CUX2: variants seen among roughly 807,000 people sequenced by gnomAD.
CUX2 encodes homeobox protein cut-like 2.
CUX2 carries 40 observed loss-of-function variants against 144.8 expected under a neutral mutation model. The observed-to-expected ratio is 0.28, with a 90% confidence interval of 0.21 to 0.36. The LOEUF is 0.36. Among genes scored for constraint, CUX2 ranks in the 10% least tolerant of loss-of-function variants. The pLI, the probability that CUX2 is intolerant of heterozygous loss-of-function variation, is 1.00. For synonymous variants in CUX2, 827 were observed against 875.6 expected (o/e 0.94, Z 0.98); for missense variants, 1,615 against 1,994.0 (o/e 0.81, Z 3.62).
chr12:111,060,400 C>T (rs140804775), intron 1 of CUX2, among the ~76,000 whole-genome samples: 4 of 152,352 alleles, frequency 2.6e-5, no homozygotes, highest in African/African-American at 4.8e-5. Context: ...TCTCATCTTT[C>T]GTGTCTGATC....
chr12:111,266,645 G>A (rs1173685472), intron 4 of CUX2, among the ~76,000 whole-genome samples: 1 of 152,158 alleles, frequency 6.6e-6, no homozygotes, highest in African/African-American at 2.4e-5. Context: ...GTCTTCAGAA[G>A]GAGTACAGCC....
At chr12:111,265,648 T>C (rs1884348342) in intron 4 of CUX2, among the ~76,000 whole-genome samples, 1 of 152,040 alleles carries the variant, frequency 6.6e-6, no homozygotes, top group South Asian at 2.1e-4. Context: ...CGGCCAAAAC[T>C]TTCCCTTGTT....
chr12:111,334,102 G>T (rs540217389), intron 18 of CUX2, among the ~76,000 whole-genome samples: 1 of 150,274 alleles, frequency 6.7e-6, no homozygotes, highest in Non-Finnish European at 1.5e-5. Flanking sequence ...CAGGAGAATC[G>T]CTTGAACCCG....
chr12:111,298,609 A>T lies in CUX2; in HGVS notation c.753+20A>T. The T allele has an allele frequency of 6.4e-7, 1 of 1,557,718 alleles. No homozygotes were observed. The highest frequency in any genetic ancestry group is 1.2e-5 in the South Asian group (1 of 84,550). Reference sequence around the variant, plus strand: ...AATCAGGTGAGGAGGCGCAGTTCCCACCCGTGGGTGCCAGAGGCTCCCTCT... The same window carrying T: ...AATCAGGTGAGGAGGCGCAGTTCCCTCCCGTGGGTGCCAGAGGCTCCCTCT... On this transcript the variant is annotated intron_variant, in intron 9 of 21. Coordinates refer to ENST00000261726, the MANE Select transcript of CUX2 (RefSeq NM_015267.4).
At chr12:111,326,259 T>G (rs1887802740) in intron 18 of CUX2, among the ~76,000 whole-genome samples, 1 of 40,996 alleles carries the variant, frequency 2.4e-5, no homozygotes, top group Non-Finnish European at 4.1e-5. Context: ...AGGGGTGGGT[T>G]TTGTTTATAG....
chr12:111,262,904 A>G (rs958955406), intron 3 of CUX2, among the ~76,000 whole-genome samples: 6 of 152,340 alleles, frequency 3.9e-5, no homozygotes, highest in Non-Finnish European at 8.8e-5. Flanking sequence ...TTTACTAATA[A>G]GAAGAATAAC....
intron 1 of CUX2, among the ~76,000 whole-genome samples, chr12:111,111,324 A>G (rs1873942895): frequency 6.6e-6 from 1 of 151,934 alleles, no homozygotes; most frequent in African/African-American, 2.4e-5. Flanking sequence ...AAAGAGAGAC[A>G]ATGGCTTTGA....
chr12:111,180,623 C>T (rs1879105855), intron 1 of CUX2, among the ~76,000 whole-genome samples: 1 of 152,196 alleles, frequency 6.6e-6, no homozygotes, highest in African/African-American at 2.4e-5. Flanking sequence ...TTCTTCCTCC[C>T]AGTCTGATAG....
chr12:111,157,805 G>A (rs1289796836), intron 1 of CUX2, among the ~76,000 whole-genome samples: 1 of 152,174 alleles, frequency 6.6e-6, no homozygotes. Flanking sequence ...GAATCACTTA[G>A]GGATAGTAGT....
At position 111,057,624 on chromosome 12, in the gene CUX2, C is replaced by T. The variant is rs1870589198; in HGVS notation, c.63+23384C>T. Reference sequence around the variant, plus strand: ...CTGTCTTCCTGTGGGCCCCTCGCTCCCCACTTCTGCCAGCAGCCTCCCCTT... The same window carrying T: ...CTGTCTTCCTGTGGGCCCCTCGCTCTCCACTTCTGCCAGCAGCCTCCCCTT... On this transcript the variant is annotated intron_variant, in intron 1 of 21. Coordinates refer to ENST00000261726, the MANE Select transcript of CUX2 (RefSeq NM_015267.4). This position sits in a 1 kb window ranked among gnomAD's most constrained non-coding sequence, Gnocchi z 5.1. Among the ~76,000 whole-genome samples the T allele has an allele frequency of 6.6e-6, 1 of 152,170 alleles. No homozygotes were observed. Among genetic ancestry groups the T allele is most frequent in the African/African-American group, 2.4e-5 (1 of 41,438 alleles).
rs552933409 is a variant in CUX2, at chr12:111,150,073, A to AG, written c.64-64126dup. Among the ~76,000 whole-genome samples, 551 of 152,288 alleles carry AG rather than the reference A, an allele frequency of 3.6e-3. 4 individuals carry two copies. Among genetic ancestry groups the AG allele is most frequent in the African/African-American group, 0.012 (515 of 41,548 alleles). ...AATGTACATGTCAGCTGACACATAG[A>AG]GAAAAACCTGGAAAGATGCAGACCA... On this transcript the variant is annotated intron_variant, in intron 1 of 21. Coordinates refer to ENST00000261726, the MANE Select transcript of CUX2 (RefSeq NM_015267.4).
chr12:111,168,582 C>T (rs1878307446), intron 1 of CUX2, among the ~76,000 whole-genome samples: 1 of 152,184 alleles, frequency 6.6e-6, no homozygotes, highest in African/African-American at 2.4e-5. Flanking sequence ...CCTAGCTCTG[C>T]CTGACAACAG....
At chr12:111,284,289 G>A (rs1885266685) in intron 4 of CUX2, among the ~76,000 whole-genome samples, 1 of 152,166 alleles carries the variant, frequency 6.6e-6, no homozygotes, top group Admixed American at 6.5e-5. Flanking sequence ...AGAGAATTCA[G>A]TGCATTGTCC....
At chr12:111,055,653 A>G (rs7981018) in intron 1 of CUX2, among the ~76,000 whole-genome samples, 13,369 of 152,130 alleles carry the variant, frequency 0.088, 1,947 homozygotes, top group African/African-American at 0.31. Flanking sequence ...AAGGTGGGGC[A>G]CCTGAGGAAG....
At chr12:111,097,792 G>A (rs1169189389) in intron 1 of CUX2, among the ~76,000 whole-genome samples, 2 of 152,180 alleles carry the variant, frequency 1.3e-5, no homozygotes, top group Admixed American at 6.5e-5. Flanking sequence ...TTTGTACCTG[G>A]GGCACAGCAT....
At chr12:111,285,538 G>A (rs1185107954) in intron 4 of CUX2, among the ~76,000 whole-genome samples, 1 of 152,190 alleles carries the variant, frequency 6.6e-6, no homozygotes, top group Non-Finnish European at 1.5e-5. Flanking sequence ...GAGTCCCTGA[G>A]ATGTTTGACA....
At position 111,338,483 on chromosome 12, in the gene CUX2, T is replaced by G; in HGVS notation, c.3385+9T>G. 6.2e-7 allele frequency: 1 copy of G among 1,606,532 alleles called. No individual in the cohort carries two copies. The highest frequency in any genetic ancestry group is 8.5e-7 in the Non-Finnish European group (1 of 1,174,950). ...GAAGCTGGAGAAGAAAGGTAAGACT[T>G]GGGCAGAGGATGGGCCCCAGCACTG... On this transcript the variant is annotated intron_variant, in intron 20 of 21. Transcript: ENST00000261726.
chr12:111,286,390 C>G (rs1283510645), intron 4 of CUX2, among the ~76,000 whole-genome samples: 1 of 152,162 alleles, frequency 6.6e-6, no homozygotes, highest in Non-Finnish European at 1.5e-5. Flanking sequence ...GACACCCGAT[C>G]CCTAAATCAC....
At chr12:111,250,427 AG>A (rs1233130778) in intron 3 of CUX2, among the ~76,000 whole-genome samples, 3 of 152,204 alleles carry the variant, frequency 2.0e-5, no homozygotes, top group Non-Finnish European at 4.4e-5. Flanking sequence ...AAGAGGACCC[AG>A]GGCTGCCCCT....
Sources: gnomAD v4.1 joint callset for allele counts (sites outside exome capture counted in the v4.1 genomes callset) on GRCh38, gnomAD v4.1.1 for gene constraint, Gnocchi (gnomAD v3.1) non-coding constraint, MANE v1.5 for transcripts, NCBI Gene and HGNC (gene_info 2026-07-23, HGNC 2026-07-21) for gene names.